SMCHD1: variants seen among roughly 807,000 people sequenced by gnomAD.
SMCHD1 encodes structural maintenance of chromosomes flexible hinge domain-containing protein 1.
A neutral mutation model predicts 254.7 loss-of-function variants in SMCHD1; 78 were observed. The ratio of observed to expected loss-of-function variants is 0.31; its 90% CI spans 0.26 to 0.37. The LOEUF (loss-of-function observed/expected upper bound fraction) is 0.37, where lower values mean the gene tolerates loss of function less well. SMCHD1 is among the 10% of genes least tolerant of loss of function. The probability of loss-of-function intolerance (pLI) is 1.00; values close to 1 mark genes in which losing one functional copy is unlikely to be tolerated. For missense variants in SMCHD1, 1,840 were observed against 2,408.1 expected (o/e 0.76, Z 4.94); for synonymous variants, 766 against 794.9 (o/e 0.96, Z 0.61).
At position 2,707,641 on chromosome 18, in the gene SMCHD1, T is replaced by A. The variant is rs2074549685; in HGVS notation, c.2142T>A (p.Pro714=). The A allele has an allele frequency of 1.3e-6, 2 of 1,590,988 alleles. No individual in the cohort carries two copies. The highest frequency in any genetic ancestry group is 1.4e-5 in the African/African-American group (1 of 74,032). ...ATGAGGTTAGGCCTGCTGGAACCCCTATTGGTATGTTTGTTTATTTTTCTA... is the reference window on the plus strand; with the variant it reads ...ATGAGGTTAGGCCTGCTGGAACCCCAATTGGTATGTTTGTTTATTTTTCTA... ...LPNEVRPAGT[P]IGALRIEILN... is the part of the protein sequence containing the mutation. The change falls in exon 16 of 48, where the codon CCT becomes CCA. Residue 714 remains proline (P), a synonymous_variant. Transcript: ENST00000320876.
intron 17 of SMCHD1, among the ~76,000 whole-genome samples, chr18:2,714,159 G>A (rs1289397348): frequency 6.6e-6 from 1 of 152,124 alleles, no homozygotes; most frequent in Non-Finnish European, 1.5e-5. Context: ...CTTGTTTTAT[G>A]AATCTAGGCA....
intron 5 of SMCHD1, among the ~76,000 whole-genome samples, chr18:2,679,791 A>T (rs1021983238): frequency 6.6e-6 from 1 of 151,032 alleles, no homozygotes; most frequent in Middle Eastern, 3.2e-3. Context: ...GTTTTTGGCC[A>T]TTTTTTTCTC....
intron 17 of SMCHD1, among the ~76,000 whole-genome samples, chr18:2,714,487 A>G (rs1319684771): frequency 6.6e-6 from 1 of 151,996 alleles, no homozygotes; most frequent in African/African-American, 2.4e-5. Context: ...TAGTATTTAT[A>G]TGTGAAGTTT....
At chr18:2,745,207 C>T (rs1444482831) in intron 29 of SMCHD1, among the ~76,000 whole-genome samples, 1 of 47,790 alleles carries the variant, frequency 2.1e-5, no homozygotes, top group Non-Finnish European at 4.8e-5. Context: ...TTAATAGAGA[C>T]TGGGTTTCAC....
chr18:2,662,650 CAAT>C (rs1362366652), intron 1 of SMCHD1, among the ~76,000 whole-genome samples: 3 of 12,364 alleles, frequency 2.4e-4, no homozygotes, highest in Non-Finnish European at 2.9e-4. Context: ...ATCTCAACAA[CAAT>C]AACAACAAAA....
chr18:2,769,817 A>G lies in SMCHD1; in HGVS notation c.4843A>G (p.Asn1615Asp), dbSNP rs753746629. The G allele has an allele frequency of 1.0e-5, 16 of 1,599,896 alleles. No individual in the cohort carries two copies. Among genetic ancestry groups the G allele is most frequent in the Non-Finnish European group, 1.4e-5 (16 of 1,172,758 alleles). ...ATATATCCTACCGTTCATGTTTTAC[A>G]ATGGTAAGTTTCTAGGAAATAAATG... Reference protein sequence around the residue: ...EPYILPFMFYNDVKKQQQMAA... With the variant: ...EPYILPFMFYDDVKKQQQMAA... Residue 1615 changes from asparagine to aspartate, a missense_variant, in exon 38 of 48, where the codon AAT becomes GAT. Asn to Asp is a conservative substitution (Grantham distance 23). This residue lies in a region of SMCHD1 where 881 missense variants were observed against 1,009.5 expected (regional missense o/e 0.87). Transcript: ENST00000320876.
intron 25 of SMCHD1, among the ~76,000 whole-genome samples, chr18:2,736,350 C>A (rs976297298): frequency 2.0e-5 from 3 of 152,092 alleles, no homozygotes; most frequent in African/African-American, 7.2e-5. Context: ...TCGGCCCTGG[C>A]AAAGAATTTA....
intron 5 of SMCHD1, among the ~76,000 whole-genome samples, chr18:2,674,941 T>C (rs1037136048): frequency 7.2e-5 from 11 of 152,226 alleles, no homozygotes; most frequent in Admixed American, 7.2e-4. Flanking sequence ...AGAATTTTAA[T>C]CAAATTAGTA....
At chr18:2,728,280 A>G (rs1180923391) in intron 22 of SMCHD1, 177 bp from the exon 23 acceptor site, 2 of 597,102 alleles carry the variant, frequency 3.3e-6, no homozygotes, top group African/African-American at 1.9e-5. Context: ...CTTGTCATGT[A>G]TTGAATCTGT....
At chr18:2,695,723 A>G (rs899688876) in intron 8 of SMCHD1, among the ~76,000 whole-genome samples, 6 of 152,214 alleles carry the variant, frequency 3.9e-5, no homozygotes, top group African/African-American at 1.2e-4. Flanking sequence ...CTCAAAATTC[A>G]TATTTTAAAA....
chr18:2,685,950 C>T (rs143842244), intron 5 of SMCHD1, among the ~76,000 whole-genome samples: 6 of 152,270 alleles, frequency 3.9e-5, no homozygotes, highest in Non-Finnish European at 7.4e-5. Flanking sequence ...AGTCCCTGAA[C>T]CAGTTTATGT....
At chr18:2,776,309 G>A (rs9949950) in intron 42 of SMCHD1, among the ~76,000 whole-genome samples, 37,522 of 151,844 alleles carry the variant, frequency 0.25, 4,759 homozygotes, top group South Asian at 0.35. Context: ...CAGCCTCAAC[G>A]TCCCTGGATT....
intron 45 of SMCHD1, among the ~76,000 whole-genome samples, chr18:2,795,723 A>G (rs2076251842): frequency 6.6e-6 from 1 of 152,246 alleles, no homozygotes; most frequent in South Asian, 2.1e-4. Flanking sequence ...TCCCTGACAC[A>G]GAAGTAAACT....
rs1568198602 is a variant in SMCHD1 at position 2,708,896 on chromosome 18, AT to A, written c.2260+977del. On this transcript the variant is annotated intron_variant, in intron 17 of 47. Transcript: ENST00000320876. ...TATATATATATATATATATATATAT[AT>A]ATATATATATAACATATTAACATGA... 8.3e-3 allele frequency among the ~76,000 whole-genome samples: 639 copies of A among 76,620 alleles called. 79 individuals are homozygous for A. Among genetic ancestry groups the A allele is most frequent in the Middle Eastern group, 0.015 (3 of 194 alleles). 50.3% of individuals were successfully genotyped at this position (76,620 alleles called of 152,430 possible). A position where few individuals can be genotyped will look rare whatever the true frequency, so the allele number is the denominator to read the frequency against.
At chr18:2,758,575 G>A (rs932164439) in intron 34 of SMCHD1, among the ~76,000 whole-genome samples, 1 of 152,002 alleles carries the variant, frequency 6.6e-6, no homozygotes, top group African/African-American at 2.4e-5. Context: ...TCCATCTTAG[G>A]AAGTTCCTTC....
At chr18:2,703,032 C>T (rs1177839355) in intron 12 of SMCHD1, among the ~76,000 whole-genome samples, 31 of 152,156 alleles carry the variant, frequency 2.0e-4, no homozygotes. Context: ...GGCAAAAACA[C>T]ATCTTCTTAA....
chr18:2,745,184 G>A (rs868655122), intron 29 of SMCHD1, among the ~76,000 whole-genome samples: 1 of 41,806 alleles, frequency 2.4e-5, no homozygotes, highest in Non-Finnish European at 5.6e-5. Flanking sequence ...TTTGAAACAA[G>A]TTTTATTTAT....
intron 34 of SMCHD1, among the ~76,000 whole-genome samples, chr18:2,756,571 T>C (rs530735320): frequency 2.0e-5 from 3 of 152,328 alleles, no homozygotes; most frequent in African/African-American, 7.2e-5. Flanking sequence ...TGTCTCTTGC[T>C]CAGTTTTGAT....
chr18:2,707,836 AAAG>A lies in SMCHD1; in HGVS notation c.2177_2179del (p.Lys726_Gly727delinsArg). 1 of 1,608,370 alleles carries A rather than the reference AAAG, an allele frequency of 6.2e-7. No individual in the cohort carries two copies. Among genetic ancestry groups the A allele is most frequent in the South Asian group, 1.1e-5 (1 of 90,196 alleles). Reference sequence around the variant, plus strand: ...GTTAAGAATTGAAATACTGAATAAAAAAGGGGAAGCAATGCAAAAGCTTCCAGG... The same window carrying A: ...GTTAAGAATTGAAATACTGAATAAAAGGGAAGCAATGCAAAAGCTTCCAGG... On this transcript the variant is annotated inframe_deletion, in exon 17 of 48. Transcript: ENST00000320876.
Sources: gnomAD v4.1 joint callset for allele counts (sites outside exome capture counted in the v4.1 genomes callset) on GRCh38, gnomAD v4.1.1 for gene constraint, gnomAD v4.1.1 regional missense constraint, MANE v1.5 for transcripts, NCBI Gene and HGNC (gene_info 2026-07-23, HGNC 2026-07-21) for gene names.